Variants in ACAD10 observed in about 807,000 individuals in gnomAD.
ACAD10 encodes the protein ACAD-10.
A neutral mutation model predicts 116.8 loss-of-function variants in ACAD10; 112 were observed. The ratio of observed to expected loss-of-function variants is 0.96; its 90% CI spans 0.82 to 1.12. The LOEUF is 1.12. Among genes scored for constraint, ACAD10 ranks in the 50% most tolerant of loss-of-function variants. ACAD10 has a pLI of 0.00. For missense variants in ACAD10, 1,259 were observed against 1,350.2 expected (o/e 0.93, Z 1.06); for synonymous variants, 486 against 510.6 (o/e 0.95, Z 0.65).
rs530797479 is a variant in ACAD10, at chr12:111,726,866, C to T, written c.1062-1096C>T. ...ACAGAGCGAGACTCCATCTCAACAA[C>T]AAAGCTCAGAGAGGTTTAATAAGTC... On this transcript the variant is annotated intron_variant, in intron 8 of 20. Coordinates refer to ENST00000313698, the MANE Select transcript of ACAD10 (RefSeq NM_025247.6). Among the ~76,000 whole-genome samples the T allele has an allele frequency of 2.7e-4, 40 of 149,088 alleles. 1 individual carries two copies. Among genetic ancestry groups the T allele is most frequent in the Admixed American group, 2.4e-3 (36 of 15,020 alleles).
At chr12:111,748,980 A>G in intron 17 of ACAD10, 193 bp from the exon 18 acceptor site, 1 of 1,584,062 alleles carries the variant, frequency 6.3e-7, no homozygotes, top group South Asian at 1.1e-5. Context: ...TTGCCATTAT[A>G]AATCAGTGAT....
intron 1 of ACAD10, among the ~76,000 whole-genome samples, chr12:111,689,532 T>C (rs115334703): frequency 0.016 from 2,358 of 150,786 alleles, 71 homozygotes; most frequent in African/African-American, 0.054. Flanking sequence ...CCACCACGCC[T>C]GGCTAATTTT....
At chr12:111,703,015 T>C (rs778157004) in intron 3 of ACAD10, among the ~76,000 whole-genome samples, 3 of 151,420 alleles carry the variant, frequency 2.0e-5, no homozygotes, top group Non-Finnish European at 4.4e-5. Flanking sequence ...GCCCTAGGGA[T>C]TGAAACTTCA....
Position 111,756,743 on chromosome 12 carries a change from C to T in ACAD10, c.*270C>T. ...AGTCTGGAAAGCTGGTCTTCAGGCT[C>T]TCAGTCCCAGGCTGGGCAGGCACGG... On this transcript the variant is annotated 3_prime_UTR_variant, in exon 21 of 21. Coordinates refer to ENST00000313698, the MANE Select transcript of ACAD10 (RefSeq NM_025247.6). 3 of 622,104 alleles carry T rather than the reference C, an allele frequency of 4.8e-6. 1 individual carries two copies. Among genetic ancestry groups the T allele is most frequent in the South Asian group, 4.5e-5 (3 of 66,112 alleles). The allele number at this position is 622,104 out of a possible 1,614,324, so 38.5% of individuals were successfully genotyped here.
At chr12:111,689,796 AG>A (rs1229567225) in intron 1 of ACAD10, among the ~76,000 whole-genome samples, 3 of 151,566 alleles carry the variant, frequency 2.0e-5, no homozygotes, top group Non-Finnish European at 4.4e-5. Context: ...GCTCACTGCA[AG>A]CTCCGCCTCC....
rs1212022630 is a variant in ACAD10, at chr12:111,702,428, A to G, written c.336+118A>G. 4.3e-6 allele frequency: 6 copies of G among 1,393,130 alleles called. No homozygotes were observed. The African/African-American group carries it at 7.2e-5, about 17-fold the overall frequency. The allele number at this position is 1,393,130 out of a possible 1,614,324, so 86.3% of individuals were successfully genotyped here. ...AAAGTGAAACCTAATAACCCATTAC[A>G]TGTTTTAAAGTTATTTCTTAGGCCA... On this transcript the variant is annotated intron_variant, in intron 3 of 20. Coordinates refer to ENST00000313698, the MANE Select transcript of ACAD10 (RefSeq NM_025247.6).
At position 111,733,983 on chromosome 12, in the gene ACAD10, A is replaced by G; in HGVS notation, c.1455A>G (p.Glu485=). The G allele has an allele frequency of 6.2e-7, 1 of 1,614,184 alleles. No homozygotes were observed. The highest frequency in any genetic ancestry group is 8.5e-7 in the Non-Finnish European group (1 of 1,180,024). The change falls in exon 11 of 21, where the codon GAA becomes GAG. Residue 485 remains glutamate (E), a synonymous_variant. Transcript: ENST00000313698. ...EPEVLAVLDW[E]LSTLGDPLAD... Reference sequence around the variant, plus strand: ...AGGTGCTTGCTGTCCTTGACTGGGAACTTTCTACCTTGGGCGACCCCCTTG... The same window carrying G: ...AGGTGCTTGCTGTCCTTGACTGGGAGCTTTCTACCTTGGGCGACCCCCTTG...
At chr12:111,693,785 C>T (rs560129742) in intron 2 of ACAD10, among the ~76,000 whole-genome samples, 51 of 152,162 alleles carry the variant, frequency 3.4e-4, no homozygotes, top group African/African-American at 1.1e-3. Flanking sequence ...TAGTTAAAGT[C>T]GTTTTGGCTT....
At position 111,719,828 on chromosome 12, in the gene ACAD10, C is replaced by T. The variant is rs867999285; in HGVS notation, c.993-1843C>T. 4.6e-5 allele frequency among the ~76,000 whole-genome samples: 7 copies of T among 151,892 alleles called. 1 individual carries two copies. Among genetic ancestry groups the T allele is most frequent in the African/African-American group, 2.4e-5 (1 of 41,458 alleles). ...CTGCAAGCTCCGCCTCCCAGGTTCA[C>T]GCCATTCTCCTGCCTCAGCCTCCCG... On this transcript the variant is annotated intron_variant, in intron 7 of 20. Transcript: ENST00000313698.
intron 2 of ACAD10, among the ~76,000 whole-genome samples, chr12:111,693,637 A>G (rs1888116627): frequency 6.6e-6 from 1 of 152,082 alleles, no homozygotes; most frequent in Non-Finnish European, 1.5e-5. Context: ...TTTTGATTAC[A>G]GCCTTCCTCC....
intron 6 of ACAD10, among the ~76,000 whole-genome samples, chr12:111,715,094 G>A (rs1208692698): frequency 6.6e-6 from 1 of 152,220 alleles, no homozygotes; most frequent in Non-Finnish European, 1.5e-5. Context: ...TTTCATGTTA[G>A]GATGTTTTCC....
intron 2 of ACAD10, among the ~76,000 whole-genome samples, chr12:111,696,143 C>T (rs916701722): frequency 2.6e-4 from 40 of 151,612 alleles, no homozygotes; most frequent in Non-Finnish European, 1.6e-4. Flanking sequence ...CTCACTGCAG[C>T]CTGAAACTCC....
chr12:111,734,492 C>T (rs1203829389), intron 11 of ACAD10, among the ~76,000 whole-genome samples: 1 of 151,994 alleles, frequency 6.6e-6, no homozygotes, highest in South Asian at 2.1e-4. Flanking sequence ...GACGTGGTGG[C>T]GTGTGCCTGT....
chr12:111,752,220 GTC>G (rs1890091103), intron 18 of ACAD10, among the ~76,000 whole-genome samples: 1 of 151,330 alleles, frequency 6.6e-6, no homozygotes. Flanking sequence ...GCAACACCCT[GTC>G]TGGGAAAAAA....
chr12:111,756,393 C>G lies in ACAD10; in HGVS notation c.3100C>G (p.Arg1034Gly). ...YPLAQFFTWA[R>G]ALRFADGPDE... is the part of the protein sequence containing the mutation. ...ACTGGCTCAGTTCTTCACCTGGGCC[C>G]GAGCCCTGCGCTTTGCCGACGGCCC... is the stretch of plus-strand genomic sequence containing the variant. Residue 1034 changes from arginine (R) to glycine (G), a missense_variant, in exon 21 of 21, where the codon CGA becomes GGA. By Grantham distance (125) the Arg-to-Gly change is moderately radical (BLOSUM62 -2). Transcript: ENST00000313698. The G allele has an allele frequency of 6.2e-7, 1 of 1,612,042 alleles. No homozygotes were observed. The highest frequency in any genetic ancestry group is 8.5e-7 in the Non-Finnish European group (1 of 1,179,692).
intron 12 of ACAD10, among the ~76,000 whole-genome samples, chr12:111,743,802 A>C (rs1381907280): frequency 6.6e-6 from 1 of 151,988 alleles, no homozygotes; most frequent in Non-Finnish European, 1.5e-5. Flanking sequence ...GCTGGAGTGC[A>C]ATGGCACGAT....
Position 111,748,296 on chromosome 12 carries a change from GTCTC to G in ACAD10, c.2486-16_2486-13del, listed in dbSNP as rs1162538454. Reference sequence around the variant, plus strand: ...GCCCTGGTGTCAGATGATGGGGTCTGTCTCTCTCCTTTCCTGGCAGGCATCCTGG... The same window carrying G: ...GCCCTGGTGTCAGATGATGGGGTCTGTCTCCTTTCCTGGCAGGCATCCTGG... On this transcript the variant is annotated splice_polypyrimidine_tract_variant and intron_variant, in intron 16 of 20. Transcript: ENST00000313698. The G allele has an allele frequency of 1.9e-6, 3 of 1,613,784 alleles. No homozygotes were observed. The highest frequency in any genetic ancestry group is 2.2e-5 in the South Asian group (2 of 91,062).
chr12:111,722,714 A>G (rs1373214061), intron 8 of ACAD10, among the ~76,000 whole-genome samples: 5 of 152,340 alleles, frequency 3.3e-5, no homozygotes, highest in Admixed American at 3.3e-4. Flanking sequence ...AAGGTCACAG[A>G]TCAACAGGAT....
At chr12:111,753,973 G>A (rs1890142012) in intron 19 of ACAD10, 58 bp downstream of exon 19, 4 of 1,532,890 alleles carry the variant, frequency 2.6e-6, no homozygotes, top group Non-Finnish European at 2.6e-6. Context: ...TCCTCACTCA[G>A]CAAAGCATGA....
Sources: gnomAD v4.1 joint callset for allele counts (sites outside exome capture counted in the v4.1 genomes callset) on GRCh38, gnomAD v4.1.1 for gene constraint, MANE v1.5 for transcripts, NCBI Gene and HGNC (gene_info 2026-07-23, HGNC 2026-07-21) for gene names.